ATP8A2: variants seen among roughly 807,000 people sequenced by gnomAD.
ATP8A2 encodes phospholipid-transporting ATPase IB.
A neutral mutation model predicts 165.6 loss-of-function variants in ATP8A2; 100 were observed. That is an observed-to-expected ratio of 0.60 (90% confidence interval 0.51 to 0.71). The LOEUF is 0.71. Among genes scored for constraint, ATP8A2 ranks in the 30% least tolerant of loss-of-function variants. The probability of loss-of-function intolerance (pLI) is 0.00; values close to 1 mark genes in which losing one functional copy is unlikely to be tolerated. For synonymous variants in ATP8A2, 543 were observed against 548.8 expected, an observed-to-expected ratio of 0.99 and a Z score of 0.15; for missense variants, 1,227 against 1,479.5, an observed-to-expected ratio of 0.83 and a Z score of 2.80.
In ATP8A2 at chr13:25,532,176, C is replaced by T. The variant is rs79751039; in HGVS notation, c.421-96C>T. The T allele has an allele frequency of 2.7e-3, 2,676 of 975,976 alleles. 71 individuals carry two copies. The East Asian group carries it at 0.051, about 19-fold the overall frequency. 60.5% of individuals were successfully genotyped at this position (975,976 alleles called of 1,614,324 possible). On this transcript the variant is annotated intron_variant, in intron 4 of 36. Transcript: ENST00000381655. Reference sequence around the variant, plus strand: ...ATGAGCATTATTGGCATTTAGTTTCCTTGTCCCCTGTAATTTCCTGATTGT... The same window carrying T: ...ATGAGCATTATTGGCATTTAGTTTCTTTGTCCCCTGTAATTTCCTGATTGT...
chr13:25,541,052 A>G (rs1230217203), intron 8 of ATP8A2, among the ~76,000 whole-genome samples: 2 of 151,846 alleles, frequency 1.3e-5, no homozygotes, highest in Non-Finnish European at 2.9e-5. Context: ...TTTAGTAGAG[A>G]TGGGGTTTCA....
At chr13:25,773,068 C>T (rs896935526) in intron 26 of ATP8A2, among the ~76,000 whole-genome samples, 25 of 152,114 alleles carry the variant, frequency 1.6e-4, no homozygotes, top group Admixed American at 3.9e-4. Flanking sequence ...CTGAGAGTTA[C>T]GTTTAATTTC....
In ATP8A2 at chr13:25,565,751, A is replaced by T. The variant is rs565398811; in HGVS notation, c.1473+1720A>T. Among the ~76,000 whole-genome samples the T allele has an allele frequency of 1.0e-3, 142 of 141,666 alleles. 1 individual carries two copies. The Middle Eastern group carries it at 0.011, about 11-fold the overall frequency. 92.9% of individuals were successfully genotyped at this position (141,666 alleles called of 152,430 possible). A position where few individuals can be genotyped will look rare whatever the true frequency, so the allele number is the denominator to read the frequency against. On this transcript the variant is annotated intron_variant, in intron 16 of 36. Transcript: ENST00000381655. Reference sequence around the variant, plus strand: ...TAGTTTAATTAGGTCCCAGCTGTTTATCTTTGTTTTTATCACATTTTTTTT... The same window carrying T: ...TAGTTTAATTAGGTCCCAGCTGTTTTTCTTTGTTTTTATCACATTTTTTTT...
At chr13:25,930,678 C>T (rs76663750) in intron 33 of ATP8A2, among the ~76,000 whole-genome samples, 2 of 151,422 alleles carry the variant, frequency 1.3e-5, no homozygotes, top group East Asian at 1.9e-4. Flanking sequence ...GTTTTTTTTT[C>T]GTCATTGTGT....
At chr13:25,651,783 A>T (rs1269815473) in intron 24 of ATP8A2, among the ~76,000 whole-genome samples, 1 of 152,142 alleles carries the variant, frequency 6.6e-6, no homozygotes, top group African/African-American at 2.4e-5. Flanking sequence ...AGTGTCTTCT[A>T]AAGTATGTCT....
intron 8 of ATP8A2, 58 bp downstream of exon 8, chr13:25,540,446 C>A (rs1593494103): frequency 1.7e-6 from 2 of 1,197,966 alleles, no homozygotes; most frequent in East Asian, 4.7e-5. Flanking sequence ...AAATGTGGTC[C>A]CCACATATCT....
chr13:25,761,660 A>ATG (rs1169298942), intron 25 of ATP8A2, among the ~76,000 whole-genome samples: 1 of 150,564 alleles, frequency 6.6e-6, no homozygotes, highest in Non-Finnish European at 1.5e-5. Context: ...CACAGTATAT[A>ATG]TATATACACA....
chr13:25,667,271 G>A (rs538805051), intron 24 of ATP8A2, among the ~76,000 whole-genome samples: 50 of 152,060 alleles, frequency 3.3e-4, no homozygotes, highest in Non-Finnish European at 5.9e-4. Context: ...TGCCTCCACC[G>A]ACACACACAT....
intron 33 of ATP8A2, among the ~76,000 whole-genome samples, chr13:25,897,494 A>G (rs139989073): frequency 5.1e-4 from 78 of 152,102 alleles, no homozygotes; most frequent in Non-Finnish European, 9.7e-4. Context: ...CTTTTGGTGA[A>G]TGTGACAATT....
intron 33 of ATP8A2, among the ~76,000 whole-genome samples, chr13:25,933,889 G>A (rs1308939935): frequency 2.0e-5 from 3 of 152,214 alleles, no homozygotes; most frequent in Non-Finnish European, 4.4e-5. Context: ...AATTCACAGA[G>A]GAATTTATTG....
intron 2 of ATP8A2, among the ~76,000 whole-genome samples, chr13:25,483,728 C>T (rs1340335597): frequency 6.6e-6 from 1 of 152,094 alleles, no homozygotes; most frequent in Non-Finnish European, 1.5e-5. Flanking sequence ...TAGTGAGATC[C>T]TATGTCTACA....
At chr13:25,996,913 A>C (rs920413777) in intron 35 of ATP8A2, among the ~76,000 whole-genome samples, 1 of 152,122 alleles carries the variant, frequency 6.6e-6, no homozygotes, top group Non-Finnish European at 1.5e-5. Flanking sequence ...CGAACTCCTG[A>C]CCTCAGATGA....
In ATP8A2 at chr13:26,021,791, C is replaced by T. The variant is rs548540294; in HGVS notation, c.*1806C>T. 5.6e-4 allele frequency: 85 copies of T among 152,312 alleles called. No homozygotes were observed. Among genetic ancestry groups the T allele is most frequent in the African/African-American group, 2.0e-3 (83 of 41,560 alleles). The allele number at this position is 152,312 out of a possible 1,614,324, so 9.4% of individuals were successfully genotyped here. On this transcript the variant is annotated 3_prime_UTR_variant, in exon 37 of 37. Coordinates refer to ENST00000381655, the MANE Select transcript of ATP8A2 (RefSeq NM_016529.6). ...GCAGCGAAGGAGCACACCTGTCACT[C>T]TTAGCTCTAGAGTCGGAGGATGAGT...
intron 18 of ATP8A2, among the ~76,000 whole-genome samples, chr13:25,573,062 A>G (rs1372734708): frequency 3.3e-5 from 5 of 152,232 alleles, no homozygotes; most frequent in African/African-American, 4.8e-5. Context: ...GAAATGTACC[A>G]TCATTAAAAG....
chr13:25,738,768 A>G (rs2043842473), intron 25 of ATP8A2, among the ~76,000 whole-genome samples: 1 of 152,292 alleles, frequency 6.6e-6, no homozygotes, highest in Admixed American at 6.5e-5. Context: ...TGGATGTAAT[A>G]CAAGATTTAT....
At chr13:25,719,168 A>G (rs2043318708) in intron 25 of ATP8A2, among the ~76,000 whole-genome samples, 1 of 152,116 alleles carries the variant, frequency 6.6e-6, no homozygotes, top group African/African-American at 2.4e-5. Context: ...TTTAATTTTG[A>G]ATGTCTTGCT....
At chr13:25,845,347 G>A (rs1044324013) in intron 30 of ATP8A2, among the ~76,000 whole-genome samples, 8 of 152,022 alleles carry the variant, frequency 5.3e-5, no homozygotes, top group African/African-American at 1.9e-4. Flanking sequence ...ATACAAAATC[G>A]GTCTTGATTT....
Position 25,589,657 on chromosome 13 carries a change from G to T in ATP8A2, c.2169G>T (p.Ser723=), listed in dbSNP as rs41300574. Residue 723 remains serine, a synonymous_variant, in exon 24 of 37, where the codon TCG becomes TCT. Coordinates refer to ENST00000381655, the MANE Select transcript of ATP8A2 (RefSeq NM_016529.6). ...CAGGGTATTCCTGCCGATTGGTATC[G>T]CAGAATATGGCCCTTATCCTATTGA... ...INIGYSCRLV[S]QNMALILLKE... is the part of the protein sequence containing the mutation. 1.9e-6 allele frequency: 3 copies of T among 1,611,614 alleles called. No individual in the cohort carries two copies. The highest frequency in any genetic ancestry group is 1.7e-6 in the Non-Finnish European group (2 of 1,178,292).
chr13:25,891,278 A>G (rs1312678738), intron 33 of ATP8A2, among the ~76,000 whole-genome samples: 1 of 152,208 alleles, frequency 6.6e-6, no homozygotes, highest in Non-Finnish European at 1.5e-5. Flanking sequence ...TGTCATATTC[A>G]GAATGGGATA....
Sources: gnomAD v4.1 joint callset for allele counts (sites outside exome capture counted in the v4.1 genomes callset) on GRCh38, gnomAD v4.1.1 for gene constraint, MANE v1.5 for transcripts, NCBI Gene and HGNC (gene_info 2026-07-23, HGNC 2026-07-21) for gene names.